SHISA9: variants seen among roughly 807,000 people sequenced by gnomAD.
SHISA9 encodes shisa family member 9.
In SHISA9, 13 loss-of-function variants were observed where a neutral mutation model predicts 38.0. That is an observed-to-expected ratio of 0.34 (90% CI 0.22 to 0.54). SHISA9 has a LOEUF of 0.54. Ranked by LOEUF, SHISA9 falls within the 20% of genes least tolerant of loss-of-function variation. The pLI is 0.91. For missense variants in SHISA9, 538 were observed against 575.8 expected, an observed-to-expected ratio of 0.93 and a Z score of 0.67; for synonymous variants, 275 against 242.0, an observed-to-expected ratio of 1.14 and a Z score of -1.27.
intron 2 of SHISA9, among the ~76,000 whole-genome samples, chr16:13,126,383 G>C (rs1299232566): frequency 6.6e-6 from 1 of 152,088 alleles, no homozygotes; most frequent in East Asian, 1.9e-4. Context: ...ATAAGGTCAG[G>C]CAAAGAATGG....
intron 2 of SHISA9, among the ~76,000 whole-genome samples, chr16:13,199,204 A>G (rs546346783): frequency 6.6e-6 from 1 of 152,302 alleles, no homozygotes; most frequent in South Asian, 2.1e-4. Flanking sequence ...CTGGAGGATA[A>G]TAGGCTTTGA....
intron 2 of SHISA9, among the ~76,000 whole-genome samples, chr16:13,170,336 T>A (rs756398860): frequency 6.6e-6 from 1 of 152,082 alleles, no homozygotes; most frequent in Non-Finnish European, 1.5e-5. Flanking sequence ...CAATGGTGAA[T>A]GGAGTAGACA....
At chr16:13,351,941 G>A in the SHISA9 span, among the ~76,000 whole-genome samples, 4 of 152,204 alleles carry the variant, frequency 2.6e-5, no homozygotes, top group Non-Finnish European at 5.9e-5. Context: ...CTGGAAGACA[G>A]AGGGAGAAAT....
chr16:13,494,840 C>CA, the SHISA9 span, among the ~76,000 whole-genome samples: 1 of 152,062 alleles, frequency 6.6e-6, no homozygotes, highest in African/African-American at 2.4e-5. Flanking sequence ...TTCACGATAG[C>CA]AAAAAACTGA....
At chr16:12,982,686 G>C (rs1256723032) in intron 2 of SHISA9, among the ~76,000 whole-genome samples, 1 of 152,122 alleles carries the variant, frequency 6.6e-6, no homozygotes, top group Non-Finnish European at 1.5e-5. Context: ...TTAGTTTTTT[G>C]CAAGATGGCA....
intron 1 of SHISA9, among the ~76,000 whole-genome samples, chr16:12,904,760 A>C (rs1436219167): frequency 1.3e-5 from 2 of 152,268 alleles, no homozygotes; most frequent in East Asian, 3.9e-4. Context: ...TTCAACTGTA[A>C]CTGCTGTGTA....
intron 2 of SHISA9, among the ~76,000 whole-genome samples, chr16:12,924,014 A>T (rs1465190888): frequency 6.6e-6 from 1 of 152,044 alleles, no homozygotes; most frequent in East Asian, 1.9e-4. Flanking sequence ...TTCAGGAGGT[A>T]GACTGAGAAA....
chr16:12,976,289 C>T (rs1189154755), intron 2 of SHISA9, among the ~76,000 whole-genome samples: 1 of 152,112 alleles, frequency 6.6e-6, no homozygotes, highest in Non-Finnish European at 1.5e-5. Flanking sequence ...CAGGGTTTCA[C>T]CATGTTGGCC....
the SHISA9 span, among the ~76,000 whole-genome samples, chr16:13,465,814 T>C: frequency 0.33 from 50,007 of 152,166 alleles, 8,395 homozygotes; most frequent in South Asian, 0.39. Context: ...TGGCCAACTA[T>C]GGCCAATGGG....
At chr16:13,307,693 T>G in the SHISA9 span, among the ~76,000 whole-genome samples, 29 of 152,246 alleles carry the variant, frequency 1.9e-4, no homozygotes, top group Admixed American at 6.5e-5. Context: ...ATATGATTAA[T>G]TTTTCCATTC....
intron 2 of SHISA9, among the ~76,000 whole-genome samples, chr16:12,949,262 C>T (rs558503955): frequency 1.3e-5 from 2 of 152,316 alleles, no homozygotes; most frequent in South Asian, 2.1e-4. Context: ...GAGTCAAGAA[C>T]GAGGTCTCCA....
chr16:13,348,682 C>T, the SHISA9 span, among the ~76,000 whole-genome samples: 1 of 151,812 alleles, frequency 6.6e-6, no homozygotes, highest in African/African-American at 2.4e-5. Context: ...CTGATTGGTC[C>T]TGTTTGAATC....
chr16:13,285,770 A>G, the SHISA9 span, among the ~76,000 whole-genome samples: 1 of 152,148 alleles, frequency 6.6e-6, no homozygotes, highest in Non-Finnish European at 1.5e-5. Context: ...CTGACAACCC[A>G]CAAGGTGCTT....
chr16:13,117,306 T>C (rs1406800918), intron 2 of SHISA9, among the ~76,000 whole-genome samples: 8 of 151,994 alleles, frequency 5.3e-5, no homozygotes, highest in Admixed American at 1.3e-4. Flanking sequence ...CTCTCAGCTT[T>C]AGTTTCTGCA....
At chr16:13,306,459 GAGAGAC>G in the SHISA9 span, among the ~76,000 whole-genome samples, 4 of 152,180 alleles carry the variant, frequency 2.6e-5, no homozygotes, top group Non-Finnish European at 5.9e-5. Context: ...GAGAGAAAGA[GAGAGAC>G]AGAGAGATAA....
intron 2 of SHISA9, among the ~76,000 whole-genome samples, chr16:12,925,445 G>GTT (rs10643004): frequency 3.7e-5 from 4 of 108,784 alleles, no homozygotes; most frequent in African/African-American, 1.6e-4. Context: ...TTGTGTGTGT[G>GTT]TATGTGTGTG....
At chr16:13,152,929 T>C (rs11075183) in intron 2 of SHISA9, among the ~76,000 whole-genome samples, 51,007 of 152,130 alleles carry the variant, frequency 0.34, 10,293 homozygotes, top group East Asian at 0.44. Flanking sequence ...ATTACCAGGG[T>C]ATGCCACTAT....
intron 2 of SHISA9, among the ~76,000 whole-genome samples, chr16:12,987,977 C>T (rs965955937): frequency 1.3e-5 from 2 of 152,186 alleles, no homozygotes; most frequent in African/African-American, 4.8e-5. Flanking sequence ...TGTTCCTATT[C>T]TTGGATACTA....
intron 1 of SHISA9, chr16:12,908,802 C>G: frequency 7.4e-7 from 1 of 1,357,628 alleles, no homozygotes; most frequent in Non-Finnish European, 9.5e-7. Context: ...GAGAAATGAC[C>G]TTGGGGACAG....
Sources: allele counts gnomAD v4.1 joint callset (sites outside exome capture counted in the v4.1 genomes callset), GRCh38; gene constraint gnomAD v4.1.1; transcripts MANE v1.5; gene names NCBI Gene and HGNC (gene_info 2026-07-23, HGNC 2026-07-21).